Variants in EFCAB8 observed in about 807,000 individuals in gnomAD.
EFCAB8 encodes EF-hand calcium-binding domain-containing protein 8.
EFCAB8 carries 100 observed loss-of-function variants against 116.3 expected under a neutral mutation model. That is an observed-to-expected ratio of 0.86 (90% CI 0.73 to 1.02). The LOEUF (loss-of-function observed/expected upper bound fraction) is 1.02. Among genes scored for constraint, EFCAB8 ranks in the 50% least tolerant of loss-of-function variants. EFCAB8 has a pLI of 0.00. For missense variants in EFCAB8, 1,320 were observed against 1,416.9 expected (o/e 0.93, Z 1.10); for synonymous variants, 558 against 567.9 (o/e 0.98, Z 0.25).
intron 22 of EFCAB8, among the ~76,000 whole-genome samples, chr20:32,942,273 T>C (rs148423648): frequency 5.7e-4 from 87 of 152,356 alleles, no homozygotes; most frequent in African/African-American, 2.0e-3. Flanking sequence ...TGTTTATTAG[T>C]GATGTTGACA....
At position 32,918,557 on chromosome 20, in the gene EFCAB8, A is replaced by G; in HGVS notation, c.2257A>G (p.Arg753Gly). ...MRCPRDKEPD[R>G]PVPQQKPSSA... ...GTGCCCGAGAGACAAGGAGCCAGAC[A>G]GGCCTGTGCCCCAGCAGGTGGGAGC... The change falls in exon 19 of 27, where the codon AGG (arginine) becomes GGG (glycine). Residue 753 changes from arginine (R) to glycine (G), a missense_variant. Physicochemically the swap from Arg to Gly is moderately radical, Grantham distance 125. Coordinates refer to ENST00000400522, the MANE Select transcript of EFCAB8 (RefSeq NM_001143967.2). 6.4e-7 allele frequency: 1 copy of G among 1,551,602 alleles called. No individual in the cohort carries two copies. The highest frequency in any genetic ancestry group is 2.0e-5 in the Admixed American group (1 of 51,002).
At chr20:32,882,859 C>A (rs996551142) in intron 5 of EFCAB8, among the ~76,000 whole-genome samples, 1 of 152,068 alleles carries the variant, frequency 6.6e-6, no homozygotes, top group Non-Finnish European at 1.5e-5. Context: ...CCATGCCCAG[C>A]GATTTTTTTG....
intron 20 of EFCAB8, among the ~76,000 whole-genome samples, chr20:32,922,205 A>G (rs906144469): frequency 6.6e-6 from 1 of 152,200 alleles, no homozygotes; most frequent in Non-Finnish European, 1.5e-5. Context: ...TCCTCTATGA[A>G]TAGGTCTGTG....
intron 23 of EFCAB8, among the ~76,000 whole-genome samples, chr20:32,957,004 G>T: frequency 7.3e-6 from 1 of 136,428 alleles, no homozygotes; most frequent in East Asian, 2.1e-4. Context: ...TTGCTGACCT[G>T]CCTTCCAGTT....
intron 7 of EFCAB8, 49 bp from the exon 8 acceptor site, chr20:32,892,164 C>T (rs1007794692): frequency 4.7e-5 from 71 of 1,504,150 alleles, no homozygotes; most frequent in Admixed American, 7.9e-5. Flanking sequence ...GACTGAAGAC[C>T]TCCCAGGCAT....
chr20:32,897,099 G>T (rs1363932838), intron 10 of EFCAB8, among the ~76,000 whole-genome samples: 1 of 152,084 alleles, frequency 6.6e-6, no homozygotes, highest in East Asian at 1.9e-4. Context: ...TGCGCCTTCA[G>T]GCCGCGGGGC....
At chr20:32,913,381 T>C (rs1197704673) in intron 17 of EFCAB8, among the ~76,000 whole-genome samples, 3 of 152,160 alleles carry the variant, frequency 2.0e-5, no homozygotes, top group East Asian at 1.9e-4. Flanking sequence ...ATCCCATTCA[T>C]GAGGGCTCCA....
intron 11 of EFCAB8, among the ~76,000 whole-genome samples, chr20:32,899,238 T>G (rs1315555413): frequency 1.3e-5 from 2 of 149,736 alleles, no homozygotes; most frequent in Non-Finnish European, 3.0e-5. Flanking sequence ...ACAATAATAA[T>G]AATAATAATA....
chr20:32,918,264 G>A (rs1404763769), intron 18 of EFCAB8, 98 bp from the exon 19 acceptor site: 2 of 1,235,286 alleles, frequency 1.6e-6, no homozygotes, highest in Non-Finnish European at 2.3e-6. Flanking sequence ...GCCCTGGGGG[G>A]CTGGAGGGCC....
intron 6 of EFCAB8, among the ~76,000 whole-genome samples, chr20:32,887,232 C>T (rs1985677958): frequency 6.6e-6 from 1 of 152,196 alleles, no homozygotes; most frequent in Non-Finnish European, 1.5e-5. Flanking sequence ...CTTTTCAGAT[C>T]GTACTTCTTT....
At chr20:32,960,513 C>T (rs1989114364) in intron 26 of EFCAB8, among the ~76,000 whole-genome samples, 1 of 152,204 alleles carries the variant, frequency 6.6e-6, no homozygotes, top group African/African-American at 2.4e-5. Context: ...CCTGTGTCCC[C>T]ACTACTTTGG....
chr20:32,859,089 G>T (rs1983967780), intron 1 of EFCAB8, 83 bp downstream of exon 1: 1 of 469,212 alleles, frequency 2.1e-6, no homozygotes, highest in African/African-American at 2.0e-5. Flanking sequence ...TCCAAGGCTG[G>T]AGAGCAGCTC....
chr20:32,871,955 A>T (rs1467861436), intron 3 of EFCAB8, among the ~76,000 whole-genome samples: 4 of 152,174 alleles, frequency 2.6e-5, no homozygotes, highest in African/African-American at 9.7e-5. Flanking sequence ...GTCTGGAAGG[A>T]GGCCGCAGGG....
intron 22 of EFCAB8, among the ~76,000 whole-genome samples, chr20:32,935,970 G>A (rs1337680940): frequency 6.6e-6 from 1 of 151,786 alleles, no homozygotes; most frequent in Non-Finnish European, 1.5e-5. Context: ...CTGTCCAAAA[G>A]CTTTGTATCT....
chr20:32,915,525 A>G (rs1987145840), intron 17 of EFCAB8, among the ~76,000 whole-genome samples: 1 of 152,194 alleles, frequency 6.6e-6, no homozygotes, highest in South Asian at 2.1e-4. Flanking sequence ...GTTCAGGATT[A>G]CTTAGGTATT....
intron 3 of EFCAB8, among the ~76,000 whole-genome samples, 163 bp downstream of exon 3, chr20:32,867,910 C>A: frequency 6.6e-6 from 1 of 151,858 alleles, no homozygotes; most frequent in Non-Finnish European, 1.5e-5. Context: ...GTGTGATCAC[C>A]ACGGCAGCCT....
rs542249706 is a variant in EFCAB8 at position 32,953,312 on chromosome 20, C to T, written c.2960-5109C>T. 4.6e-5 allele frequency among the ~76,000 whole-genome samples: 7 copies of T among 152,248 alleles called. No individual in the cohort carries two copies. In the Middle Eastern group the frequency reaches 0.014, roughly 298 times the overall value. On this transcript the variant is annotated intron_variant, in intron 23 of 26. Transcript: ENST00000400522. ...TGTGCAAGTATCTATCTCTTTGAGACCCTGCTTTCAATTCTTTTGGATAAA... is the reference window on the plus strand; with the variant it reads ...TGTGCAAGTATCTATCTCTTTGAGATCCTGCTTTCAATTCTTTTGGATAAA...
At chr20:32,952,604 T>C (rs1169182829) in intron 23 of EFCAB8, among the ~76,000 whole-genome samples, 2 of 152,234 alleles carry the variant, frequency 1.3e-5, no homozygotes, top group African/African-American at 2.4e-5. Flanking sequence ...TTGTTGTTTT[T>C]AAGAAATTTG....
At chr20:32,920,005 CCTCTGGT>C (rs1987371565) in intron 19 of EFCAB8, 66 bp from the exon 20 acceptor site, 3 of 1,543,830 alleles carry the variant, frequency 1.9e-6, no homozygotes, top group Non-Finnish European at 8.8e-7. Flanking sequence ...TTATCATCTT[CCTCTGGT>C]CTCTGGTCCC....
Sources: gnomAD v4.1 joint callset for allele counts (sites outside exome capture counted in the v4.1 genomes callset) on GRCh38, gnomAD v4.1.1 for gene constraint, MANE v1.5 for transcripts, NCBI Gene and HGNC (gene_info 2026-07-23, HGNC 2026-07-21) for gene names.